MORC1: variants seen among roughly 807,000 people sequenced by gnomAD.
The protein encoded by MORC1 is MORC family CW-type zinc finger 1, also known as MORC family CW-type zinc finger protein 1.
A neutral mutation model predicts 134.9 loss-of-function variants in MORC1; 59 were observed. The ratio of observed to expected loss-of-function variants is 0.44; its 90% CI spans 0.35 to 0.54. MORC1 has a LOEUF of 0.54. Ranked by LOEUF, MORC1 falls within the 20% of genes least tolerant of loss-of-function variation. The probability of loss-of-function intolerance (pLI) is 0.00; values close to 1 mark genes in which losing one functional copy is unlikely to be tolerated. For synonymous variants in MORC1, 395 were observed against 391.7 expected (o/e 1.01, Z -0.10); for missense variants, 947 against 1,134.5 (o/e 0.83, Z 2.37).
At chr3:109,053,288 C>T (rs1179481831) in intron 14 of MORC1, among the ~76,000 whole-genome samples, 1 of 152,058 alleles carries the variant, frequency 6.6e-6, no homozygotes, top group Non-Finnish European at 1.5e-5. Flanking sequence ...TCAAAGGAAA[C>T]TCAGTTGTTC....
chr3:108,987,382 A>G (rs906104778), intron 21 of MORC1, among the ~76,000 whole-genome samples: 3 of 152,202 alleles, frequency 2.0e-5, no homozygotes, highest in African/African-American at 7.2e-5. Context: ...GCATCCCTGC[A>G]ATGAAAACTT....
intron 21 of MORC1, among the ~76,000 whole-genome samples, chr3:108,996,614 T>C (rs1948237067): frequency 6.6e-6 from 1 of 152,160 alleles, no homozygotes; most frequent in Non-Finnish European, 1.5e-5. Context: ...CTTCTACAGC[T>C]CCAAATGATG....
At chr3:108,966,782 G>A (rs1947231297) in intron 26 of MORC1, among the ~76,000 whole-genome samples, 1 of 152,048 alleles carries the variant, frequency 6.6e-6, no homozygotes, top group Admixed American at 6.6e-5. Flanking sequence ...GGAGTATTTT[G>A]GGGAATATCA....
chr3:109,114,875 G>C (rs1435327212), intron 1 of MORC1, among the ~76,000 whole-genome samples: 1 of 152,214 alleles, frequency 6.6e-6, no homozygotes, highest in Non-Finnish European at 1.5e-5. Flanking sequence ...CAAAGGAACT[G>C]GCAGGAAGCC....
At chr3:109,080,197 C>T (rs372816795) in intron 8 of MORC1, among the ~76,000 whole-genome samples, 125 of 152,258 alleles carry the variant, frequency 8.2e-4, no homozygotes, top group African/African-American at 2.8e-3. Flanking sequence ...TTTAATTGGA[C>T]TTACAGTTCC....
intron 3 of MORC1, among the ~76,000 whole-genome samples, chr3:109,106,953 C>A (rs566520474): frequency 6.6e-6 from 1 of 152,128 alleles, no homozygotes; most frequent in Non-Finnish European, 1.5e-5. Flanking sequence ...CCTCCATGAC[C>A]GGGCCATCTG....
At chr3:109,008,730 A>G (rs1195930456) in intron 17 of MORC1, among the ~76,000 whole-genome samples, 1 of 151,792 alleles carries the variant, frequency 6.6e-6, no homozygotes, top group Non-Finnish European at 1.5e-5. Context: ...TAATATTTTT[A>G]GCTTTCTCTG....
rs148894084 is a variant in MORC1 at position 109,041,675 on chromosome 3, C to T, written c.1331-6207G>A. Among the ~76,000 whole-genome samples the T allele has an allele frequency of 6.3e-3, 961 of 152,232 alleles. 8 individuals carry two copies. Among genetic ancestry groups the T allele is most frequent in the African/African-American group, 0.019 (786 of 41,540 alleles). Reference sequence around the variant, plus strand: ...CAACCTGGCTAACATGGCGAAACCACGTCTCTACTAAAAATACAAAAGTTA... The same window carrying T: ...CAACCTGGCTAACATGGCGAAACCATGTCTCTACTAAAAATACAAAAGTTA... On this transcript the variant is annotated intron_variant, in intron 14 of 27. Transcript: ENST00000232603.
intron 17 of MORC1, among the ~76,000 whole-genome samples, chr3:109,013,734 G>A (rs1378015034): frequency 1.3e-5 from 2 of 152,128 alleles, no homozygotes; most frequent in African/African-American, 4.8e-5. Context: ...GCTTGAATGT[G>A]TCCCCCCAAA....
chr3:109,035,492 A>C, intron 14 of MORC1, 24 bp from the exon 15 acceptor site: 1 of 1,354,904 alleles, frequency 7.4e-7, no homozygotes. Flanking sequence ...AAGCAGGCAA[A>C]GAATAACAAA....
At chr3:109,019,987 T>C (rs1304419027) in intron 17 of MORC1, among the ~76,000 whole-genome samples, 1 of 152,200 alleles carries the variant, frequency 6.6e-6, no homozygotes, top group Non-Finnish European at 1.5e-5. Flanking sequence ...GTATAATACA[T>C]GCAAAAACAA....
chr3:109,114,007 A>G (rs1332942924), intron 2 of MORC1, among the ~76,000 whole-genome samples: 2 of 152,252 alleles, frequency 1.3e-5, no homozygotes, highest in South Asian at 2.1e-4. Flanking sequence ...TAAGAGATCA[A>G]TAAGTTAGCT....
At chr3:108,987,590 G>C (rs1210918575) in intron 21 of MORC1, among the ~76,000 whole-genome samples, 1 of 152,070 alleles carries the variant, frequency 6.6e-6, no homozygotes, top group African/African-American at 2.4e-5. Context: ...TGGAGAGAGA[G>C]GATGGATATG....
At chr3:109,107,436 A>T (rs1447800952) in intron 3 of MORC1, among the ~76,000 whole-genome samples, 2 of 152,158 alleles carry the variant, frequency 1.3e-5, no homozygotes, top group African/African-American at 4.8e-5. Context: ...CTAAAATGCC[A>T]ATTTCTTAAG....
chr3:109,066,951 A>C (rs1950211721), intron 9 of MORC1, among the ~76,000 whole-genome samples: 1 of 148,710 alleles, frequency 6.7e-6, no homozygotes, highest in African/African-American at 2.5e-5. Context: ...TCAGCATTGT[A>C]AAAATTCAAA....
intron 8 of MORC1, among the ~76,000 whole-genome samples, chr3:109,088,061 A>G (rs1950649671): frequency 6.6e-6 from 1 of 152,116 alleles, no homozygotes; most frequent in Admixed American, 6.6e-5. Flanking sequence ...CTTATACCAC[A>G]TACAAAAATT....
At chr3:109,090,569 G>A (rs372398806) in intron 8 of MORC1, among the ~76,000 whole-genome samples, 1 of 141,802 alleles carries the variant, frequency 7.1e-6, no homozygotes, top group East Asian at 2.1e-4. Context: ...GCAGTGAGCC[G>A]AGACTGCACC....
At chr3:109,012,296 C>A (rs950649802) in intron 17 of MORC1, among the ~76,000 whole-genome samples, 1 of 152,150 alleles carries the variant, frequency 6.6e-6, no homozygotes, top group African/African-American at 2.4e-5. Flanking sequence ...TATTCCATTT[C>A]ATTGCTATAT....
intron 25 of MORC1, 23 bp downstream of exon 25, chr3:108,971,307 A>T: frequency 6.2e-7 from 1 of 1,604,740 alleles, no homozygotes; most frequent in Non-Finnish European, 8.5e-7. Flanking sequence ...ATTCCCTCAC[A>T]GTTCCAAAAA....
Sources: gnomAD v4.1 joint callset for allele counts (sites outside exome capture counted in the v4.1 genomes callset) on GRCh38, gnomAD v4.1.1 for gene constraint, MANE v1.5 for transcripts, NCBI Gene and HGNC (gene_info 2026-07-23, HGNC 2026-07-21) for gene names.